Variants in FAM120B observed in about 807,000 individuals in gnomAD.
FAM120B encodes family with sequence similarity 120 member B.
A neutral mutation model predicts 96.3 loss-of-function variants in FAM120B; 83 were observed. The ratio of observed to expected loss-of-function variants is 0.86; its 90% CI spans 0.72 to 1.03. The LOEUF is 1.03. FAM120B is among the 50% of genes least tolerant of loss of function. FAM120B has a pLI of 0.00. For missense variants in FAM120B, 1,027 were observed against 1,121.2 expected (o/e 0.92, Z 1.20); for synonymous variants, 407 against 402.7 (o/e 1.01, Z -0.13).
Position 170,297,166 on chromosome 6 carries a change from G to C in FAM120B, c.48+1713G>C, listed in dbSNP as rs989718381. Reference sequence around the variant, plus strand: ...TGGCCCCTGGGCCTGTCTGGCTGCAGGGTTGGTTGGCCGTGGGCGTGTGCG... The same window carrying C: ...TGGCCCCTGGGCCTGTCTGGCTGCACGGTTGGTTGGCCGTGGGCGTGTGCG... On this transcript the variant is annotated intron_variant, in intron 1 of 10. Coordinates refer to the FAM120B transcript ENST00000537664. 6.6e-5 allele frequency among the ~76,000 whole-genome samples: 10 copies of C among 152,358 alleles called. No individual in the cohort carries two copies. The East Asian group carries it at 1.9e-3, about 29-fold the overall frequency.
At chr6:170,320,058 TC>T (rs1261907300) in intron 2 of FAM120B, among the ~76,000 whole-genome samples, 14 of 152,340 alleles carry the variant, frequency 9.2e-5, no homozygotes, top group Non-Finnish European at 1.5e-4. Flanking sequence ...GATAGACTTA[TC>T]CTTGTTTTAC....
intron 7 of FAM120B, among the ~76,000 whole-genome samples, chr6:170,389,462 C>G (rs1191234756): frequency 6.6e-6 from 1 of 152,110 alleles, no homozygotes; most frequent in African/African-American, 2.4e-5. Flanking sequence ...GTAGGGCGAG[C>G]AGTATCACAC....
At chr6:170,390,902 GC>G in intron 7 of FAM120B, 110 bp from the exon 8 acceptor site, 1 of 825,672 alleles carries the variant, frequency 1.2e-6, no homozygotes, top group Non-Finnish European at 2.1e-6. Context: ...TTGCTGCCTC[GC>G]CTTGGGAACA....
intron 8 of FAM120B, among the ~76,000 whole-genome samples, chr6:170,394,359 A>T (rs531120131): frequency 1.3e-5 from 2 of 152,368 alleles, no homozygotes; most frequent in South Asian, 4.1e-4. Context: ...CTGTTAGTTC[A>T]GGACCTGTAT....
At chr6:170,336,097 G>A (rs1227466297) in intron 4 of FAM120B, among the ~76,000 whole-genome samples, 1 of 152,100 alleles carries the variant, frequency 6.6e-6, no homozygotes, top group South Asian at 2.1e-4. Context: ...ATTGCTTTTG[G>A]TGTTTTAGTC....
At chr6:170,397,645 C>A (rs1199583796) in intron 9 of FAM120B, among the ~76,000 whole-genome samples, 2 of 152,192 alleles carry the variant, frequency 1.3e-5, no homozygotes, top group Non-Finnish European at 2.9e-5. Context: ...TGGTCTAGAT[C>A]TAGGGTTTAG....
intron 5 of FAM120B, among the ~76,000 whole-genome samples, chr6:170,352,860 A>G (rs1787667592): frequency 6.6e-6 from 1 of 152,228 alleles, no homozygotes; most frequent in Non-Finnish European, 1.5e-5. Flanking sequence ...CCCCAAAGCT[A>G]GCAGAGCACA....
chr6:170,386,965 G>A (rs980640953), intron 6 of FAM120B, among the ~76,000 whole-genome samples: 3 of 152,142 alleles, frequency 2.0e-5, no homozygotes, highest in African/African-American at 7.2e-5. Flanking sequence ...AAATAACAAT[G>A]AATAAGAAAA....
chr6:170,312,413 G>A (rs1436537916), intron 1 of FAM120B, among the ~76,000 whole-genome samples: 1 of 151,942 alleles, frequency 6.6e-6, no homozygotes, highest in East Asian at 1.9e-4. Flanking sequence ...CTAAACTTTA[G>A]GCAATTGATA....
chr6:170,331,842 AG>A (rs1331485200), intron 4 of FAM120B, among the ~76,000 whole-genome samples: 1 of 152,254 alleles, frequency 6.6e-6, no homozygotes, highest in African/African-American at 2.4e-5. Context: ...AGAGTGGGAA[AG>A]CGTGTGTATA....
At chr6:170,319,263 T>C in intron 2 of FAM120B, 139 bp downstream of exon 2, 2 of 769,244 alleles carry the variant, frequency 2.6e-6, no homozygotes, top group Non-Finnish European at 2.0e-6. Flanking sequence ...CGTTAGGAAG[T>C]GTGACGTTAT....
intron 1 of FAM120B, among the ~76,000 whole-genome samples, chr6:170,313,982 C>T (rs1207370318): frequency 6.6e-6 from 1 of 152,224 alleles, no homozygotes; most frequent in Non-Finnish European, 1.5e-5. Flanking sequence ...GTGCGTCCAT[C>T]AACATCAGGC....
rs1308866729 is a variant in FAM120B, at chr6:170,317,459, C to T, written c.69C>T (p.Phe23=). ...TCPHICTVVN[F]KELAEHHRSK... ...CACATATATGTACAGTAGTAAATTT[C>T]AAAGAACTGGCAGAGCACCACCGAA... Residue 23 remains phenylalanine (F), a synonymous_variant, in exon 2 of 11, where the codon TTC becomes TTT. Transcript: ENST00000476287. 4 of 1,614,022 alleles carry T rather than the reference C, an allele frequency of 2.5e-6. No homozygotes were observed. The African/African-American group carries it at 5.3e-5, about 22-fold the overall frequency.
chr6:170,403,434 A>G (rs914385041), intron 9 of FAM120B, among the ~76,000 whole-genome samples: 3 of 115,092 alleles, frequency 2.6e-5, no homozygotes, highest in African/African-American at 1.2e-4. Flanking sequence ...AGGGCAATTG[A>G]TAGGTAAAAT....
At position 170,336,246 on chromosome 6, in the gene FAM120B, A is replaced by G. The variant is rs1454671554; in HGVS notation, c.2017+5696A>G. 2.6e-5 allele frequency among the ~76,000 whole-genome samples: 4 copies of G among 152,194 alleles called. No homozygotes were observed. In the South Asian group the frequency reaches 8.3e-4, roughly 31 times the overall value. On this transcript the variant is annotated intron_variant, in intron 4 of 10. Coordinates refer to ENST00000476287, the MANE Select transcript of FAM120B (RefSeq NM_032448.3). ...TGTATAAGGTATAAGGAAGGGGTCC[A>G]GCTTCTGTTTTCTGCTTATGGCTAG...
At chr6:170,387,724 TAA>T (rs1279190586) in intron 6 of FAM120B, among the ~76,000 whole-genome samples, 5 of 152,250 alleles carry the variant, frequency 3.3e-5, no homozygotes, top group Non-Finnish European at 4.4e-5. Context: ...TCTTAAATGA[TAA>T]GTGTTCATTT....
Position 170,406,331 on chromosome 6 carries a change from C to T in FAM120B, c.*1580C>T, listed in dbSNP as rs3734764. 11,871 of 152,206 alleles carry T rather than the reference C, an allele frequency of 0.078. 511 individuals carry two copies. The highest frequency in any genetic ancestry group is 0.094 in the Non-Finnish European group (6,426 of 68,014). 9.4% of individuals were successfully genotyped at this position (152,206 alleles called of 1,614,324 possible). A position where few individuals can be genotyped will look rare whatever the true frequency, so the allele number is the denominator to read the frequency against. ...GTTCTTAGGAGGTGCTCACCCCTGGCACCTAAAGACATTTCCTTCTGGTTG... is the reference window on the plus strand; with the variant it reads ...GTTCTTAGGAGGTGCTCACCCCTGGTACCTAAAGACATTTCCTTCTGGTTG... On this transcript the variant is annotated 3_prime_UTR_variant, in exon 11 of 11. Transcript: ENST00000476287.
intron 6 of FAM120B, among the ~76,000 whole-genome samples, chr6:170,361,204 A>ATATATATG (rs1554286372): frequency 3.5e-5 from 3 of 86,256 alleles, no homozygotes; most frequent in African/African-American, 1.4e-4. Flanking sequence ...ACGTGTATAT[A>ATATATATG]TATATATATA....
At chr6:170,296,109 C>T (rs1336423519) in intron 1 of FAM120B, among the ~76,000 whole-genome samples, 2 of 152,140 alleles carry the variant, frequency 1.3e-5, no homozygotes, top group South Asian at 4.1e-4. Context: ...CGCCTTTGTC[C>T]CGGGATCAGA....
Sources: gnomAD v4.1 joint callset for allele counts (sites outside exome capture counted in the v4.1 genomes callset) on GRCh38, gnomAD v4.1.1 for gene constraint, MANE v1.5 for transcripts, NCBI Gene and HGNC (gene_info 2026-07-23, HGNC 2026-07-21) for gene names.